ZNF236: variants seen among roughly 807,000 people sequenced by gnomAD.
ZNF236 encodes zinc finger protein 236.
Under a neutral mutation model 191.2 loss-of-function variants are expected in ZNF236, and 50 were observed. That is an observed-to-expected ratio of 0.26 (90% CI 0.21 to 0.33). The LOEUF is 0.33. ZNF236 is among the 10% of genes least tolerant of loss of function. The pLI, the probability that ZNF236 is intolerant of heterozygous loss-of-function variation, is 1.00. For missense variants in ZNF236, 1,754 were observed against 2,374.5 expected (o/e 0.74, Z 5.43); for synonymous variants, 907 against 928.8 (o/e 0.98, Z 0.43).
intron 9 of ZNF236, among the ~76,000 whole-genome samples, chr18:76,891,586 C>T (rs573696365): frequency 3.3e-5 from 5 of 152,296 alleles, no homozygotes; most frequent in South Asian, 2.1e-4. Context: ...CTCTGTTGCC[C>T]AGGGTGGTCT....
intron 30 of ZNF236, among the ~76,000 whole-genome samples, chr18:76,961,490 G>A (rs1370295926): frequency 1.3e-5 from 2 of 151,756 alleles, no homozygotes; most frequent in South Asian, 4.2e-4. Context: ...TTGCAGTTGC[G>A]AATTGTGCTG....
At chr18:76,848,773 C>T (rs1219666941) in intron 1 of ZNF236, among the ~76,000 whole-genome samples, 1 of 152,162 alleles carries the variant, frequency 6.6e-6, no homozygotes, top group African/African-American at 2.4e-5. Context: ...TCAAGAGATC[C>T]TTCCACCTCA....
chr18:76,834,816 T>C (rs1975274333), intron 1 of ZNF236: 2 of 472,936 alleles, frequency 4.2e-6, no homozygotes, highest in Admixed American at 4.4e-5. Flanking sequence ...TTCCTGCGAA[T>C]GTGGGAAGGT....
intron 9 of ZNF236, among the ~76,000 whole-genome samples, chr18:76,882,707 CT>C (rs1976933109): frequency 6.6e-6 from 1 of 152,208 alleles, no homozygotes; most frequent in African/African-American, 2.4e-5. Flanking sequence ...ACTAGTCAGG[CT>C]CTTCTTCCCC....
At chr18:76,958,423 G>A (rs1968577218) in intron 28 of ZNF236, among the ~76,000 whole-genome samples, 1 of 152,162 alleles carries the variant, frequency 6.6e-6, no homozygotes, top group African/African-American at 2.4e-5. Context: ...TTCTCTGGAG[G>A]TCAGAGAAAC....
rs537299267 is a variant in ZNF236 at position 76,863,761 on chromosome 18, C to T, written c.364-4924C>T. 1.4e-4 allele frequency among the ~76,000 whole-genome samples: 22 copies of T among 151,784 alleles called. No homozygotes were observed. In the East Asian group the frequency reaches 1.9e-3, roughly 13 times the overall value. On this transcript the variant is annotated intron_variant, in intron 3 of 30. Transcript: ENST00000320610. ...ATATGTGGTAAATGTCCTTCAGGAA[C>T]GAAGGAGAAATAAAGACATTCTTAG...
At chr18:76,961,256 G>A (rs1399666608) in intron 30 of ZNF236, among the ~76,000 whole-genome samples, 2 of 152,062 alleles carry the variant, frequency 1.3e-5, no homozygotes, top group East Asian at 3.9e-4. Context: ...AACATGCGAT[G>A]TTTGGTTTTC....
intron 3 of ZNF236, among the ~76,000 whole-genome samples, chr18:76,862,976 T>G (rs1976288573): frequency 6.6e-6 from 1 of 152,150 alleles, no homozygotes; most frequent in Non-Finnish European, 1.5e-5. Context: ...CTTTATGAGT[T>G]TTGAAACAAA....
At chr18:76,865,063 A>T (rs1976367575) in intron 3 of ZNF236, among the ~76,000 whole-genome samples, 1 of 152,080 alleles carries the variant, frequency 6.6e-6, no homozygotes, top group Non-Finnish European at 1.5e-5. Context: ...CTGGCTGGGC[A>T]CGGTGGCTCA....
At chr18:76,861,632 A>G (rs1051167843) in intron 3 of ZNF236, among the ~76,000 whole-genome samples, 1 of 152,218 alleles carries the variant, frequency 6.6e-6, no homozygotes, top group Non-Finnish European at 1.5e-5. Context: ...ATTGATTTGA[A>G]TATGGCATAT....
chr18:76,879,430 G>A (rs1228389914), intron 7 of ZNF236, among the ~76,000 whole-genome samples: 1 of 152,182 alleles, frequency 6.6e-6, no homozygotes, highest in African/African-American at 2.4e-5. Context: ...AACGAATGTG[G>A]ATATATTATT....
chr18:76,929,052 G>A (rs1951373247), intron 25 of ZNF236, among the ~76,000 whole-genome samples: 1 of 147,268 alleles, frequency 6.8e-6, no homozygotes, highest in Admixed American at 6.9e-5. Flanking sequence ...CTGTGGAGAA[G>A]GACAGCATTC....
chr18:76,923,037 G>T (rs1477158788), intron 20 of ZNF236, 34 bp from the exon 21 acceptor site: 1 of 1,464,972 alleles, frequency 6.8e-7, no homozygotes. Flanking sequence ...GAAGTCGTTT[G>T]TCAATATGTC....
At chr18:76,874,096 C>T (rs1472733762) in intron 5 of ZNF236, among the ~76,000 whole-genome samples, 1 of 151,390 alleles carries the variant, frequency 6.6e-6, no homozygotes, top group East Asian at 2.0e-4. Context: ...CTCCTGCCCG[C>T]CTGTCCTCCT....
chr18:76,895,001 C>T lies in ZNF236; in HGVS notation c.1418-12C>T. ...GTCCAGGCCAAGCGGGACGTGTCCT[C>T]TCCCTTCACAGGCTCCATCCGCGAG... On this transcript the variant is annotated splice_polypyrimidine_tract_variant and intron_variant, in intron 9 of 30. Transcript: ENST00000320610. 6.2e-7 allele frequency: 1 copy of T among 1,606,946 alleles called. No individual in the cohort carries two copies. The highest frequency in any genetic ancestry group is 8.5e-7 in the Non-Finnish European group (1 of 1,179,730).
At position 76,969,792 on chromosome 18, in the gene ZNF236, T is replaced by A. The variant is rs2122995996; in HGVS notation, c.*1453T>A. 1 of 152,730 alleles carries A rather than the reference T, an allele frequency of 6.5e-6. No individual in the cohort carries two copies. Among genetic ancestry groups the A allele is most frequent in the South Asian group, 2.1e-4 (1 of 4,828 alleles). The allele number at this position is 152,730 out of a possible 1,614,324, so 9.5% of individuals were successfully genotyped here. On this transcript the variant is annotated 3_prime_UTR_variant, in exon 31 of 31. Coordinates refer to ENST00000320610, the MANE Select transcript of ZNF236 (RefSeq NM_001306089.2). ...GTTATTTTGAAAGGGCATCTTTTGA[T>A]TTTTTTGTTGTTGTTGTTCACTTTT...
rs749800985 is a variant in ZNF236, at chr18:76,881,470, AAAG to A, written c.1378_1380del (p.Glu460del). On this transcript the variant is annotated inframe_deletion, in exon 9 of 31. Transcript: ENST00000320610. ...GGAAAGCCCGGAGAAACTGGATAAA[AAAG>A]AAAAAAAAATGATAAAGAAGAAGTC... The A allele has an allele frequency of 1.3e-5, 21 of 1,613,040 alleles. No individual in the cohort carries two copies. The highest frequency in any genetic ancestry group is 4.0e-5 in the African/African-American group (3 of 74,738).
At chr18:76,849,474 G>T in intron 1 of ZNF236, 52 bp from the exon 2 acceptor site, 2 of 1,427,538 alleles carry the variant, frequency 1.4e-6, no homozygotes, top group Non-Finnish European at 1.9e-6. Context: ...TTTTATTTAT[G>T]TGATGAGAAT....
chr18:76,914,548 C>A (rs1339380089), intron 18 of ZNF236, among the ~76,000 whole-genome samples: 2 of 152,140 alleles, frequency 1.3e-5, no homozygotes, highest in Admixed American at 1.3e-4. Flanking sequence ...ACATCCTTGC[C>A]AATGGCTATT....
Sources: allele counts gnomAD v4.1 joint callset (sites outside exome capture counted in the v4.1 genomes callset), GRCh38; gene constraint gnomAD v4.1.1; transcripts MANE v1.5; gene names NCBI Gene and HGNC (gene_info 2026-07-23, HGNC 2026-07-21).